Variants in ACOXL observed in about 807,000 individuals in gnomAD.
The protein encoded by ACOXL is acyl-CoA oxidase like.
Under a neutral mutation model 71.9 loss-of-function variants are expected in ACOXL, and 70 were observed. The observed-to-expected ratio is 0.97, with a 90% CI of 0.80 to 1.19. The LOEUF (loss-of-function observed/expected upper bound fraction) is 1.19. ACOXL is among the 50% of genes most tolerant of loss of function. The pLI is 0.00. For synonymous variants in ACOXL, 253 were observed against 281.6 expected (o/e 0.90, Z 1.02); for missense variants, 703 against 736.3 (o/e 0.95, Z 0.52).
intron 12 of ACOXL, among the ~76,000 whole-genome samples, chr2:110,952,929 A>G (rs2061377879): frequency 6.6e-6 from 1 of 152,300 alleles, no homozygotes; most frequent in South Asian, 2.1e-4. Flanking sequence ...TTTTCAGTTT[A>G]TTGATTCTAA....
At chr2:110,935,093 G>A (rs536295313) in intron 12 of ACOXL, among the ~76,000 whole-genome samples, 7 of 152,116 alleles carry the variant, frequency 4.6e-5, no homozygotes, top group Non-Finnish European at 1.0e-4. Flanking sequence ...GAGTAAGGAG[G>A]TTAGGTCAGC....
intron 1 of ACOXL, among the ~76,000 whole-genome samples, chr2:110,738,524 G>T (rs747980165): frequency 2.6e-5 from 4 of 152,196 alleles, no homozygotes; most frequent in Admixed American, 6.5e-5. Context: ...TTTTAAAGGT[G>T]CATGCCATAA....
rs1051881682 is a variant in ACOXL, at chr2:111,064,309, A to G, written c.1440+15021A>G. 1.4e-4 allele frequency among the ~76,000 whole-genome samples: 22 copies of G among 151,986 alleles called. No individual in the cohort carries two copies. In the East Asian group the frequency reaches 3.7e-3, roughly 25 times the overall value. ...AAATTAGCCGGGCGTGGTGGCGGGC[A>G]CCTGTAGTCCCGGCTACTCGGGAGG... On this transcript the variant is annotated intron_variant, in intron 16 of 17. Transcript: ENST00000439055.
intron 10 of ACOXL, among the ~76,000 whole-genome samples, chr2:110,882,746 G>A (rs1409709541): frequency 6.6e-6 from 1 of 152,042 alleles, no homozygotes; most frequent in African/African-American, 2.4e-5. Flanking sequence ...ATTCCTCCAT[G>A]GAATGGCCTA....
At chr2:110,876,657 C>T (rs563507661) in intron 10 of ACOXL, among the ~76,000 whole-genome samples, 9 of 152,262 alleles carry the variant, frequency 5.9e-5, no homozygotes, top group East Asian at 1.9e-4. Context: ...AATGGCGGCT[C>T]GGGGTCAGGT....
intron 9 of ACOXL, among the ~76,000 whole-genome samples, chr2:110,824,906 A>G (rs553581599): frequency 1.3e-5 from 2 of 152,294 alleles, no homozygotes; most frequent in Admixed American, 1.3e-4. Flanking sequence ...CTTGGACGTT[A>G]TGATTGTTGT....
At position 110,746,236 on chromosome 2, in the gene ACOXL, C is replaced by T. The variant is rs561580343; in HGVS notation, c.-23+13462C>T. On this transcript the variant is annotated intron_variant, in intron 1 of 17. Coordinates refer to ENST00000439055, the MANE Select transcript of ACOXL (RefSeq NM_001142807.4). The stretch of plus-strand genomic sequence containing the variant: ...CCTTCTCTTCATAACAATGCCTTTA[C>T]GGAACATATGCAAACCTCTGTTTTT... 3.9e-5 allele frequency among the ~76,000 whole-genome samples: 6 copies of T among 152,212 alleles called. No individual in the cohort carries two copies. In the East Asian group the frequency reaches 1.2e-3, roughly 29 times the overall value.
intron 12 of ACOXL, among the ~76,000 whole-genome samples, chr2:110,961,183 G>C (rs2061688255): frequency 6.6e-6 from 1 of 152,204 alleles, no homozygotes; most frequent in African/African-American, 2.4e-5. Flanking sequence ...CAAGCTGTTT[G>C]AGGGCTGTGA....
chr2:110,784,760 G>A lies in ACOXL; in HGVS notation c.104G>A (p.Arg35Gln), dbSNP rs1177148225. The A allele has an allele frequency of 7.5e-6, 12 of 1,607,516 alleles. No individual in the cohort carries two copies. The highest frequency in any genetic ancestry group is 3.3e-5 in the South Asian group (3 of 90,110). Residue 35 changes from arginine (R) to glutamine (Q), a missense_variant, in exon 3 of 18, where the codon CGA becomes CAA. Arg to Gln is a conservative substitution (Grantham distance 43). Coordinates refer to ENST00000439055, the MANE Select transcript of ACOXL (RefSeq NM_001142807.4). The stretch of plus-strand genomic sequence containing the variant: ...GAGAAAACAAAGAATTTTGTCAGCC[G>A]AAGCCTTGTCATAGGAGAAGTCCTC... ...LAEKTKNFVS[R>Q]SLVIGEVLSM...
intron 17 of ACOXL, among the ~76,000 whole-genome samples, chr2:111,096,400 G>A (rs1030005863): frequency 6.6e-6 from 1 of 151,688 alleles, no homozygotes; most frequent in Non-Finnish European, 1.5e-5. Context: ...GTGCCACCAC[G>A]CCTAGCTAAT....
chr2:110,877,676 A>G (rs539742085), intron 10 of ACOXL, among the ~76,000 whole-genome samples: 1 of 152,276 alleles, frequency 6.6e-6, no homozygotes, highest in Non-Finnish European at 1.5e-5. Context: ...AAAGTTACAA[A>G]GGTCAGACCC....
At chr2:110,848,730 C>T (rs887446798) in intron 10 of ACOXL, among the ~76,000 whole-genome samples, 4 of 152,146 alleles carry the variant, frequency 2.6e-5, no homozygotes, top group Admixed American at 1.3e-4. Flanking sequence ...TGACCATTTC[C>T]CAGTCAAACC....
chr2:111,048,337 C>A (rs536752065), intron 15 of ACOXL, among the ~76,000 whole-genome samples: 1 of 152,180 alleles, frequency 6.6e-6, no homozygotes, highest in Non-Finnish European at 1.5e-5. Context: ...AAAGAGTGAA[C>A]GCAGCTTTGA....
At chr2:110,961,616 C>T (rs2061701995) in intron 12 of ACOXL, among the ~76,000 whole-genome samples, 1 of 152,202 alleles carries the variant, frequency 6.6e-6, no homozygotes, top group Non-Finnish European at 1.5e-5. Context: ...TGCATCTGAA[C>T]TTCTTAGGTA....
At position 110,995,776 on chromosome 2, in the gene ACOXL, G is replaced by A; in HGVS notation, c.1170-117G>A. The A allele has an allele frequency of 5.8e-6, 4 of 688,702 alleles. No homozygotes were observed. In the South Asian group the frequency reaches 6.9e-5, roughly 12 times the overall value. 42.7% of individuals were successfully genotyped at this position (688,702 alleles called of 1,614,324 possible). A position where few individuals can be genotyped will look rare whatever the true frequency, so the allele number is the denominator to read the frequency against. ...ATGGGATGGGGAGATTATGTCTATT[G>A]ACACTATTTTTCTACAGAAAAAAAT... On this transcript the variant is annotated intron_variant, in intron 13 of 17. Transcript: ENST00000439055.
At chr2:110,976,263 A>G (rs781317602) in intron 12 of ACOXL, among the ~76,000 whole-genome samples, 4 of 152,236 alleles carry the variant, frequency 2.6e-5, no homozygotes, top group Non-Finnish European at 4.4e-5. Flanking sequence ...GTACCCATAC[A>G]TCCTTGGATA....
chr2:111,020,080 G>A (rs2064674363), intron 14 of ACOXL, among the ~76,000 whole-genome samples: 1 of 152,154 alleles, frequency 6.6e-6, no homozygotes, highest in Non-Finnish European at 1.5e-5. Context: ...GGCTGGTCAC[G>A]AACTCTTAAC....
intron 10 of ACOXL, among the ~76,000 whole-genome samples, chr2:110,852,094 G>C (rs1020192385): frequency 3.9e-5 from 6 of 152,238 alleles, no homozygotes; most frequent in Admixed American, 6.5e-5. Flanking sequence ...ATGGACGACT[G>C]TCCAGGCTGG....
chr2:111,057,722 A>G (rs1354544750), intron 16 of ACOXL, among the ~76,000 whole-genome samples: 1 of 152,234 alleles, frequency 6.6e-6, no homozygotes, highest in East Asian at 1.9e-4. Flanking sequence ...ATGTCTTTCC[A>G]ATCCAAATGC....
Sources: gnomAD v4.1 joint callset for allele counts (sites outside exome capture counted in the v4.1 genomes callset) on GRCh38, gnomAD v4.1.1 for gene constraint, MANE v1.5 for transcripts, NCBI Gene and HGNC (gene_info 2026-07-23, HGNC 2026-07-21) for gene names.